The following TSC22D1 variants were observed in gnomAD, a reference collection of about 807,000 sequenced individuals.
The protein encoded by TSC22D1 is TSC22 domain family protein 1.
A neutral mutation model predicts 74.2 loss-of-function variants in TSC22D1; 9 were observed. The observed-to-expected ratio is 0.12, with a 90% CI of 0.07 to 0.21. TSC22D1 has a LOEUF of 0.21. Ranked by LOEUF, TSC22D1 falls within the 10% of genes least tolerant of loss-of-function variation. TSC22D1 has a pLI of 1.00. For synonymous variants in TSC22D1, 586 were observed against 492.5 expected (o/e 1.19, Z -2.51); for missense variants, 1,427 against 1,304.7 (o/e 1.09, Z -1.44).
intron 1 of TSC22D1, among the ~76,000 whole-genome samples, chr13:44,545,148 A>C (rs1361858202): frequency 1.2e-4 from 18 of 152,140 alleles, no homozygotes; most frequent in Non-Finnish European, 2.6e-4. Flanking sequence ...CAGCCTGGCC[A>C]ACATGGTAAA....
chr13:44,545,144 G>A (rs1284917090), intron 1 of TSC22D1, among the ~76,000 whole-genome samples: 8 of 152,124 alleles, frequency 5.3e-5, no homozygotes, highest in African/African-American at 1.7e-4. Context: ...AGACCAGCCT[G>A]GCCAACATGG....
At chr13:44,570,640 G>A (rs1168812111) in intron 1 of TSC22D1, among the ~76,000 whole-genome samples, 3 of 152,154 alleles carry the variant, frequency 2.0e-5, no homozygotes, top group African/African-American at 7.2e-5. Context: ...AGTGTTAAGA[G>A]TATTATTTCA....
intron 1 of TSC22D1, among the ~76,000 whole-genome samples, chr13:44,467,831 G>A (rs1877377240): frequency 6.6e-6 from 1 of 152,092 alleles, no homozygotes; most frequent in Non-Finnish European, 1.5e-5. Context: ...AAAACAGTAT[G>A]GAGATTTCTC....
intron 1 of TSC22D1, among the ~76,000 whole-genome samples, chr13:44,568,344 A>G (rs1883516249): frequency 6.6e-6 from 1 of 152,202 alleles, no homozygotes; most frequent in African/African-American, 2.4e-5. Flanking sequence ...AATATCTGAT[A>G]TTGGAACATC....
chr13:44,445,633 A>C (rs1875574591), intron 1 of TSC22D1, among the ~76,000 whole-genome samples: 1 of 152,188 alleles, frequency 6.6e-6, no homozygotes, highest in Non-Finnish European at 1.5e-5. Context: ...TATCTGATAA[A>C]GGACTTATAT....
chr13:44,451,214 C>T (rs1566118375), intron 1 of TSC22D1, among the ~76,000 whole-genome samples: 2 of 152,210 alleles, frequency 1.3e-5, no homozygotes, highest in South Asian at 4.1e-4. Flanking sequence ...GTCCGTTAGA[C>T]AGAAACAGAC....
chr13:44,520,158 G>A (rs987742865), intron 1 of TSC22D1, among the ~76,000 whole-genome samples: 5 of 152,156 alleles, frequency 3.3e-5, no homozygotes, highest in Admixed American at 2.0e-4. Context: ...GAAATGCCCA[G>A]AGAATTGACA....
intron 1 of TSC22D1, among the ~76,000 whole-genome samples, chr13:44,528,112 C>T (rs909474266): frequency 6.6e-6 from 1 of 151,876 alleles, no homozygotes; most frequent in Non-Finnish European, 1.5e-5. Context: ...ACTTAAACAC[C>T]CCTCAATCAG....
At chr13:44,524,975 T>C (rs1880480484) in intron 1 of TSC22D1, among the ~76,000 whole-genome samples, 1 of 152,210 alleles carries the variant, frequency 6.6e-6, no homozygotes, top group Admixed American at 6.5e-5. Flanking sequence ...AACATTCTGT[T>C]ATCCTTAACA....
chr13:44,484,943 T>G (rs1878356937), intron 1 of TSC22D1, among the ~76,000 whole-genome samples: 1 of 152,220 alleles, frequency 6.6e-6, no homozygotes, highest in South Asian at 2.1e-4. Flanking sequence ...GTCACTTAAC[T>G]TTCAAATTCG....
chr13:44,443,866 AAC>A (rs2138878490), intron 1 of TSC22D1, among the ~76,000 whole-genome samples: 1 of 152,362 alleles, frequency 6.6e-6, no homozygotes, highest in East Asian at 1.9e-4. Flanking sequence ...TAATAAAGCT[AAC>A]ACAGGAGGAT....
intron 1 of TSC22D1, chr13:44,436,916 G>A: frequency 9.4e-7 from 1 of 1,063,774 alleles, no homozygotes; most frequent in Non-Finnish European, 1.1e-6. Context: ...CGATTGGCCG[G>A]CACGCCACTG....
At chr13:44,502,290 C>T (rs1445473682) in intron 1 of TSC22D1, among the ~76,000 whole-genome samples, 1 of 152,012 alleles carries the variant, frequency 6.6e-6, no homozygotes, top group Non-Finnish European at 1.5e-5. Context: ...TCATATAAAC[C>T]TTTGATTTCT....
rs998416139 is a variant in TSC22D1 at position 44,432,195 on chromosome 13, C to T, written c.*2431G>A. 3 of 152,068 alleles carry T rather than the reference C, an allele frequency of 2.0e-5. No homozygotes were observed. Among genetic ancestry groups the T allele is most frequent in the African/African-American group, 7.2e-5 (3 of 41,394 alleles). 9.4% of individuals were successfully genotyped at this position (152,068 alleles called of 1,614,324 possible). A position where few individuals can be genotyped will look rare whatever the true frequency, so the allele number is the denominator to read the frequency against. ...TTCTTATTTCACAAATATTCAGCTG[C>T]CAAAATTTCATGAGTCTCACATTTT... On this transcript the variant is annotated 3_prime_UTR_variant, in exon 3 of 3. Coordinates refer to ENST00000458659, the MANE Select transcript of TSC22D1 (RefSeq NM_183422.4).
At chr13:44,547,831 T>C (rs557850904) in intron 1 of TSC22D1, among the ~76,000 whole-genome samples, 4 of 152,180 alleles carry the variant, frequency 2.6e-5, no homozygotes, top group African/African-American at 9.7e-5. Flanking sequence ...CAGGCTGGAA[T>C]GCAGTGGCTA....
At chr13:44,451,161 A>G (rs1369678904) in intron 1 of TSC22D1, among the ~76,000 whole-genome samples, 1 of 152,232 alleles carries the variant, frequency 6.6e-6, no homozygotes, top group East Asian at 1.9e-4. Flanking sequence ...TCCTTTGAGA[A>G]AGCTCATGTG....
intron 1 of TSC22D1, chr13:44,536,872 T>C (rs1881155291): frequency 2.1e-5 from 20 of 974,954 alleles, no homozygotes; most frequent in Non-Finnish European, 2.3e-5. Context: ...TTTCATACAT[T>C]CACTGGTGAC....
At chr13:44,513,889 A>C (rs1879850430) in intron 1 of TSC22D1, among the ~76,000 whole-genome samples, 1 of 152,178 alleles carries the variant, frequency 6.6e-6, no homozygotes, top group African/African-American at 2.4e-5. Flanking sequence ...CCAATTAAAA[A>C]CAGTTTTAAT....
intron 1 of TSC22D1, among the ~76,000 whole-genome samples, chr13:44,564,119 G>GT (rs1401394795): frequency 6.6e-6 from 1 of 151,858 alleles, no homozygotes; most frequent in Non-Finnish European, 1.5e-5. Flanking sequence ...TTATCTTTCT[G>GT]TTTTTAAAAA....
Sources: gnomAD v4.1 joint callset for allele counts (sites outside exome capture counted in the v4.1 genomes callset) on GRCh38, gnomAD v4.1.1 for gene constraint, MANE v1.5 for transcripts, NCBI Gene and HGNC (gene_info 2026-07-23, HGNC 2026-07-21) for gene names.